Variants in ATP10A observed in about 807,000 individuals in gnomAD.
ATP10A encodes ATPase phospholipid transporting 10A (putative).
Under a neutral mutation model 147.8 loss-of-function variants are expected in ATP10A, and 111 were observed. That is an observed-to-expected ratio of 0.75 (90% CI 0.64 to 0.88). The LOEUF is 0.88. Ranked by LOEUF, ATP10A falls within the 40% of genes least tolerant of loss-of-function variation. The pLI, the probability that ATP10A is intolerant of heterozygous loss-of-function variation, is 0.00. For missense variants in ATP10A, 1,927 were observed against 1,959.0 expected, an observed-to-expected ratio of 0.98 and a Z score of 0.31; for synonymous variants, 875 against 841.6, an observed-to-expected ratio of 1.04 and a Z score of -0.69.
chr15:25,742,793 G>T (rs572332051), intron 2 of ATP10A, among the ~76,000 whole-genome samples: 1 of 152,172 alleles, frequency 6.6e-6, no homozygotes, highest in South Asian at 2.1e-4. Context: ...AGGGCTGCTC[G>T]TTAAAATTGC....
At chr15:25,847,311 C>T (rs1442338940) in intron 1 of ATP10A, among the ~76,000 whole-genome samples, 1 of 152,142 alleles carries the variant, frequency 6.6e-6, no homozygotes. Flanking sequence ...AGGCTCTGCC[C>T]CTTTTGGACT....
chr15:25,685,920 C>T (rs1380854992), intron 16 of ATP10A, among the ~76,000 whole-genome samples: 3 of 152,064 alleles, frequency 2.0e-5, no homozygotes, highest in Non-Finnish European at 2.9e-5. Context: ...CTTCCCTGCC[C>T]ACCCCCATTC....
downstream of ATP10A, among the ~76,000 whole-genome samples, chr15:25,673,327 C>T (rs565891941): frequency 4.6e-5 from 7 of 152,296 alleles, no homozygotes; most frequent in East Asian, 5.8e-4. Context: ...TTCAAACAAG[C>T]GTCGAGGAGA....
chr15:25,708,020 A>G lies in ATP10A; in HGVS notation c.2531T>C (p.Leu844Pro). Residue 844 changes from leucine to proline, a missense_variant, in exon 12 of 21, where the codon CTC (leucine) becomes CCC (proline). Physicochemically the swap from Leu to Pro is moderately conservative, Grantham distance 98 (BLOSUM62 -3). Coordinates refer to ENST00000555815, the MANE Select transcript of ATP10A (RefSeq NM_024490.4). ...ESSLENSEELLFQSAIRLETN... is the reference protein window; with the variant it reads ...ESSLENSEELPFQSAIRLETN... ...CTCCAGGCGAATGGCAGACTGGAAG[A>G]GGAGCTCCTCGCTGTTTTCCAGGGA... 6.2e-7 allele frequency: 1 copy of G among 1,614,186 alleles called. No individual in the cohort carries two copies. The highest frequency in any genetic ancestry group is 8.5e-7 in the Non-Finnish European group (1 of 1,180,034).
At chr15:25,783,480 C>G (rs1890021578) in intron 1 of ATP10A, among the ~76,000 whole-genome samples, 1 of 146,928 alleles carries the variant, frequency 6.8e-6, no homozygotes, top group Non-Finnish European at 1.5e-5. Context: ...TTGAGGGACC[C>G]CCCCCTGGCA....
Position 25,774,499 on chromosome 15 carries a change from G to C in ATP10A, c.654+6520C>G, listed in dbSNP as rs143233414. 4.6e-5 allele frequency among the ~76,000 whole-genome samples: 7 copies of C among 151,858 alleles called. 1 individual carries two copies. The highest frequency in any genetic ancestry group is 3.9e-4 in the Admixed American group (6 of 15,234). ...TGAGGCAGGAGAATCACTTGAACCC[G>C]GGAGGCAGAGAGGTTGCAGTGAGCC... On this transcript the variant is annotated intron_variant, in intron 2 of 20. Coordinates refer to ENST00000555815, the MANE Select transcript of ATP10A (RefSeq NM_024490.4).
At chr15:25,854,552 T>C (rs34864916) in intron 1 of ATP10A, among the ~76,000 whole-genome samples, 22,093 of 152,120 alleles carry the variant, frequency 0.15, 1,689 homozygotes, top group Middle Eastern at 0.19. Flanking sequence ...CTCAAAGAAA[T>C]GGACAACTTC....
At chr15:25,832,867 G>A (rs1892421034) in intron 1 of ATP10A, among the ~76,000 whole-genome samples, 1 of 152,050 alleles carries the variant, frequency 6.6e-6, no homozygotes. Flanking sequence ...TGATAGACAT[G>A]CTGATTATCA....
In ATP10A at chr15:25,848,498, A is replaced by C. The variant is rs373491222; in HGVS notation, c.449+14150T>G. 3.9e-5 allele frequency among the ~76,000 whole-genome samples: 6 copies of C among 152,128 alleles called. No homozygotes were observed. The East Asian group carries it at 1.2e-3, about 30-fold the overall frequency. On this transcript the variant is annotated intron_variant, in intron 1 of 20. Coordinates refer to ENST00000555815, the MANE Select transcript of ATP10A (RefSeq NM_024490.4). Reference sequence around the variant, plus strand: ...AATTCTGGAGGTCAATCTGACATGGATCTTACTGGGTCAAAACGATGGTTT... The same window carrying C: ...AATTCTGGAGGTCAATCTGACATGGCTCTTACTGGGTCAAAACGATGGTTT...
intron 2 of ATP10A, 66 bp from the exon 3 acceptor site, chr15:25,736,207 C>A: frequency 7.3e-7 from 1 of 1,363,536 alleles, no homozygotes; most frequent in East Asian, 2.3e-5. Context: ...AAAAGGCACT[C>A]GCTTTTCTGT....
chr15:25,673,118 G>A (rs535633502), downstream of ATP10A, among the ~76,000 whole-genome samples: 4 of 152,138 alleles, frequency 2.6e-5, no homozygotes, highest in Non-Finnish European at 4.4e-5. Flanking sequence ...GAGGGCTGCA[G>A]GGTGGGCTGC....
chr15:25,842,575 G>A (rs1191180328), intron 1 of ATP10A, among the ~76,000 whole-genome samples: 2 of 152,072 alleles, frequency 1.3e-5, no homozygotes, highest in African/African-American at 2.4e-5. Flanking sequence ...TCATTTCCTT[G>A]TATTTTGGGG....
At chr15:25,718,107 C>A (rs1220619374) in intron 8 of ATP10A, 75 bp downstream of exon 8, 7 of 1,475,064 alleles carry the variant, frequency 4.7e-6, no homozygotes, top group Non-Finnish European at 4.7e-6. Context: ...AATATAGACA[C>A]CTTCCATGAG....
At chr15:25,833,036 G>C (rs1892430169) in intron 1 of ATP10A, among the ~76,000 whole-genome samples, 1 of 142,308 alleles carries the variant, frequency 7.0e-6, no homozygotes, top group Non-Finnish European at 1.5e-5. Context: ...AGGTTGGAGT[G>C]CAGTGGTGTG....
At chr15:25,764,406 T>C (rs955972622) in intron 2 of ATP10A, among the ~76,000 whole-genome samples, 3 of 152,080 alleles carry the variant, frequency 2.0e-5, no homozygotes, top group Non-Finnish European at 2.9e-5. Flanking sequence ...AGTCCTTAAT[T>C]TGATGGTATT....
rs1212583522 is a variant in ATP10A, at chr15:25,832,156, G to C, written c.449+30492C>G. Among the ~76,000 whole-genome samples the C allele has an allele frequency of 3.3e-5, 5 of 152,150 alleles. No homozygotes were observed. The East Asian group carries it at 9.6e-4, about 29-fold the overall frequency. ...CAAGACAGGGGACGTAAGGACTGGC[G>C]GCCACCACAGACGCAGGAAGAGGCA... On this transcript the variant is annotated intron_variant, in intron 1 of 20. Transcript: ENST00000555815.
chr15:25,707,838 C>A, intron 12 of ATP10A, 138 bp downstream of exon 12: 1 of 1,247,718 alleles, frequency 8.0e-7, no homozygotes. Flanking sequence ...CCCGCCTCGG[C>A]TGTGCCAGCG....
intron 13 of ATP10A, 61 bp downstream of exon 13, chr15:25,701,855 G>A: frequency 2.0e-6 from 3 of 1,463,444 alleles, no homozygotes; most frequent in South Asian, 1.4e-5. Flanking sequence ...CTGCCAAGGG[G>A]GCCACGATAA....
chr15:25,850,017 AT>A (rs1167803583), intron 1 of ATP10A, among the ~76,000 whole-genome samples: 2 of 152,228 alleles, frequency 1.3e-5, no homozygotes, highest in Non-Finnish European at 1.5e-5. Context: ...GTTTCTACCA[AT>A]TAATTATGAG....
Sources: allele counts gnomAD v4.1 joint callset (sites outside exome capture counted in the v4.1 genomes callset), GRCh38; gene constraint gnomAD v4.1.1; transcripts MANE v1.5; gene names NCBI Gene and HGNC (gene_info 2026-07-23, HGNC 2026-07-21).